Variants in RBFOX1 observed in about 807,000 individuals in gnomAD.
The protein encoded by RBFOX1 is RNA binding protein fox-1 homolog 1.
A neutral mutation model predicts 57.7 loss-of-function variants in RBFOX1; 8 were observed. The ratio of observed to expected loss-of-function variants is 0.14; its 90% CI spans 0.08 to 0.25. RBFOX1 has a LOEUF of 0.25. Among genes scored for constraint, RBFOX1 ranks in the 10% least tolerant of loss-of-function variants. RBFOX1 has a pLI of 1.00. For missense variants in RBFOX1, 611 were observed against 548.5 expected (o/e 1.11, Z -1.14); for synonymous variants, 326 against 222.4 (o/e 1.47, Z -4.15).
intron 4 of RBFOX1, among the ~76,000 whole-genome samples, chr16:7,095,662 C>A (rs1031415622): frequency 6.6e-6 from 1 of 152,098 alleles, no homozygotes; most frequent in Non-Finnish European, 1.5e-5. Flanking sequence ...AGATGATAAT[C>A]ATGTTGGTAA....
intron 3 of RBFOX1, among the ~76,000 whole-genome samples, chr16:6,792,066 A>G (rs758536713): frequency 6.6e-6 from 1 of 152,182 alleles, no homozygotes; most frequent in Admixed American, 6.5e-5. Context: ...GAACTATCAC[A>G]TATATTACTG....
chr16:6,835,461 C>G (rs1417678477), intron 3 of RBFOX1, among the ~76,000 whole-genome samples: 2 of 152,052 alleles, frequency 1.3e-5, no homozygotes, highest in Non-Finnish European at 1.5e-5. Flanking sequence ...ATTTAAGTTT[C>G]TATCTTCTTG....
rs180912089 is a variant in RBFOX1, at chr16:5,326,450, T to A, written c.219+86345T>A. ...GGCTGGGGAGAGTTCAGGAGAACAG[T>A]GTTTCTGTTGCATTCATTTGCTCAA... On this transcript the variant is annotated intron_variant, in intron 1 of 2. Coordinates refer to the RBFOX1 transcript ENST00000585867. Among the ~76,000 whole-genome samples, 98 of 152,340 alleles carry A rather than the reference T, an allele frequency of 6.4e-4. 2 individuals carry two copies. The East Asian group carries it at 0.016, about 25-fold the overall frequency.
chr16:6,630,048 A>G (rs2090663096), intron 2 of RBFOX1, among the ~76,000 whole-genome samples: 1 of 151,672 alleles, frequency 6.6e-6, no homozygotes, highest in Admixed American at 6.6e-5. Flanking sequence ...TCTGCCTGAA[A>G]AATCCTGTGG....
intron 10 of RBFOX1, among the ~76,000 whole-genome samples, chr16:7,616,027 C>T (rs1297645367): frequency 4.6e-5 from 7 of 152,156 alleles, no homozygotes; most frequent in Non-Finnish European, 5.9e-5. Context: ...AATGTTTCAT[C>T]TTTGGAGCAT....
rs550827539 is a variant in RBFOX1, at chr16:6,126,765, A to G, written c.-127+106773A>G. Among the ~76,000 whole-genome samples the G allele has an allele frequency of 2.6e-5, 4 of 152,276 alleles. No individual in the cohort carries two copies. The South Asian group carries it at 8.3e-4, about 32-fold the overall frequency. On this transcript the variant is annotated intron_variant, in intron 1 of 15. Coordinates refer to ENST00000550418, the MANE Select transcript of RBFOX1 (RefSeq NM_018723.4). ...AACATTCACATAATAGTCAACATGT[A>G]TGTATCTCAAGGGTCTACTAGAGAC...
intron 4 of RBFOX1, among the ~76,000 whole-genome samples, chr16:7,302,442 G>A (rs560094785): frequency 1.4e-3 from 211 of 152,184 alleles, no homozygotes; most frequent in African/African-American, 4.8e-3. Flanking sequence ...AGGAGGAGGG[G>A]ATATTTGGGA....
intron 1 of RBFOX1, among the ~76,000 whole-genome samples, chr16:6,253,549 C>T (rs1195123815): frequency 1.3e-5 from 2 of 152,082 alleles, no homozygotes; most frequent in Non-Finnish European, 2.9e-5. Flanking sequence ...TATAACCACA[C>T]ACTCTTTTGT....
At position 7,520,938 on chromosome 16, in the gene RBFOX1, G is replaced by A. The variant is rs191015814; in HGVS notation, c.270+2549G>A. Reference sequence around the variant, plus strand: ...TCTATTAGGGCCAGGATTCATACTAGCTGCCATGGTTGAACAAAACAAAAT... The same window carrying A: ...TCTATTAGGGCCAGGATTCATACTAACTGCCATGGTTGAACAAAACAAAAT... On this transcript the variant is annotated intron_variant, in intron 5 of 15. Coordinates refer to ENST00000550418, the MANE Select transcript of RBFOX1 (RefSeq NM_018723.4). 8.6e-4 allele frequency among the ~76,000 whole-genome samples: 131 copies of A among 152,276 alleles called. 1 individual carries two copies. Among genetic ancestry groups the A allele is most frequent in the African/African-American group, 3.0e-3 (126 of 41,542 alleles).
intron 3 of RBFOX1, among the ~76,000 whole-genome samples, chr16:5,620,936 G>T (rs536180783): frequency 6.6e-6 from 1 of 152,224 alleles, no homozygotes; most frequent in Admixed American, 6.5e-5. Context: ...CGCCTCCCGG[G>T]TTCCTGCCAT....
intron 4 of RBFOX1, among the ~76,000 whole-genome samples, chr16:7,138,927 G>A (rs2072822221): frequency 6.6e-6 from 1 of 152,018 alleles, no homozygotes; most frequent in Non-Finnish European, 1.5e-5. Context: ...TTGTGCCTCA[G>A]CCTCCCAAGT....
intron 1 of RBFOX1, among the ~76,000 whole-genome samples, chr16:6,228,848 C>T (rs11647075): frequency 0.19 from 29,077 of 151,972 alleles, 3,424 homozygotes; most frequent in East Asian, 0.41. Flanking sequence ...ATATATTAGC[C>T]TGATTTAGCC....
intron 3 of RBFOX1, among the ~76,000 whole-genome samples, chr16:6,929,114 T>G (rs757083303): frequency 3.9e-5 from 6 of 152,126 alleles, no homozygotes; most frequent in Non-Finnish European, 5.9e-5. Context: ...AGGCCCACAT[T>G]GCAACTCTTC....
chr16:5,872,895 G>C (rs908907961), intron 4 of RBFOX1, among the ~76,000 whole-genome samples: 29 of 152,188 alleles, frequency 1.9e-4, no homozygotes, highest in African/African-American at 7.0e-4. Flanking sequence ...GCTCATGCCT[G>C]TAATCCCAGC....
At chr16:5,368,643 T>G (rs1244813044) in intron 1 of RBFOX1, among the ~76,000 whole-genome samples, 1 of 152,172 alleles carries the variant, frequency 6.6e-6, no homozygotes, top group Non-Finnish European at 1.5e-5. Context: ...CTGAGCTCTT[T>G]AAGAATCAAA....
intron 4 of RBFOX1, among the ~76,000 whole-genome samples, chr16:7,412,137 A>G (rs192404504): frequency 3.0e-4 from 45 of 152,276 alleles, no homozygotes; most frequent in Admixed American, 2.5e-3. Flanking sequence ...TAAGATGTTA[A>G]TAATAGTGAA....
intron 4 of RBFOX1, among the ~76,000 whole-genome samples, chr16:7,104,145 G>A (rs1476904438): frequency 6.6e-6 from 1 of 152,116 alleles, no homozygotes; most frequent in Non-Finnish European, 1.5e-5. Context: ...TGGAAATTAA[G>A]GCCAAGATAA....
chr16:6,620,483 A>C (rs2098212941), intron 2 of RBFOX1, among the ~76,000 whole-genome samples: 1 of 152,346 alleles, frequency 6.6e-6, no homozygotes, highest in East Asian at 1.9e-4. Flanking sequence ...AGAAGACAGG[A>C]AATAACCAAA....
In RBFOX1 at chr16:5,723,632, C is replaced by G. The variant is rs149781059; in HGVS notation, c.318+124671C>G. On this transcript the variant is annotated intron_variant, in intron 3 of 19. Coordinates refer to the RBFOX1 transcript ENST00000641259. The stretch of plus-strand genomic sequence containing the variant: ...GCTTGGGCTGGATGGTGTCTGAGGT[C>G]TGATTTTGAGACCTTTGGTCTAAGG... 2.6e-3 allele frequency among the ~76,000 whole-genome samples: 396 copies of G among 151,878 alleles called. 8 individuals carry two copies. The highest frequency in any genetic ancestry group is 7.6e-3 in the African/African-American group (315 of 41,306).
Sources: gnomAD v4.1 joint callset for allele counts (sites outside exome capture counted in the v4.1 genomes callset) on GRCh38, gnomAD v4.1.1 for gene constraint, MANE v1.5 for transcripts, NCBI Gene and HGNC (gene_info 2026-07-23, HGNC 2026-07-21) for gene names.